CAPN13: variants seen among roughly 807,000 people sequenced by gnomAD.
CAPN13 encodes calpain 13.
CAPN13 carries 90 observed loss-of-function variants against 98.4 expected under a neutral mutation model. The observed-to-expected ratio is 0.92, with a 90% CI of 0.77 to 1.09. The LOEUF (loss-of-function observed/expected upper bound fraction) is 1.09, where lower values mean the gene tolerates loss of function less well. CAPN13 is among the 50% of genes least tolerant of loss of function. The probability of loss-of-function intolerance (pLI) is 0.00; values close to 1 mark genes in which losing one functional copy is unlikely to be tolerated. For synonymous variants in CAPN13, 330 were observed against 305.5 expected, an observed-to-expected ratio of 1.08 and a Z score of -0.84; for missense variants, 887 against 841.3, an observed-to-expected ratio of 1.05 and a Z score of -0.67.
At chr2:30,805,210 A>G (rs1675540513) in intron 1 of CAPN13, among the ~76,000 whole-genome samples, 1 of 152,192 alleles carries the variant, frequency 6.6e-6, no homozygotes, top group Admixed American at 6.5e-5. Flanking sequence ...AGAGTGAGCC[A>G]ACATATAAAT....
chr2:30,803,214 G>A (rs1391928583), intron 1 of CAPN13, among the ~76,000 whole-genome samples: 1 of 152,196 alleles, frequency 6.6e-6, no homozygotes, highest in African/African-American at 2.4e-5. Context: ...AAGAACAGGG[G>A]CAAAGATTCC....
intron 5 of CAPN13, among the ~76,000 whole-genome samples, chr2:30,768,524 T>C (rs1673222667): frequency 6.6e-6 from 1 of 152,190 alleles, no homozygotes; most frequent in Non-Finnish European, 1.5e-5. Context: ...CTCCAGCCCC[T>C]GGGGACCAGC....
intron 6 of CAPN13, among the ~76,000 whole-genome samples, chr2:30,763,419 C>T (rs562989525): frequency 6.6e-6 from 1 of 152,244 alleles, no homozygotes; most frequent in Non-Finnish European, 1.5e-5. Context: ...ACTCTCTCCA[C>T]CAACCACATG....
chr2:30,800,157 A>AAAGT (rs1558351774), intron 1 of CAPN13, among the ~76,000 whole-genome samples: 7 of 150,378 alleles, frequency 4.7e-5, no homozygotes, highest in African/African-American at 1.7e-4. Flanking sequence ...AGAAAGAAAG[A>AAAGT]AAGAAAGAAA....
chr2:30,738,496 T>A, intron 15 of CAPN13, 39 bp from the exon 16 acceptor site: 1 of 1,567,426 alleles, frequency 6.4e-7, no homozygotes, highest in Non-Finnish European at 8.7e-7. Context: ...ATTATATCAG[T>A]GCCAGGATCT....
At chr2:30,788,741 T>A (rs1351130902) in intron 1 of CAPN13, among the ~76,000 whole-genome samples, 2 of 152,194 alleles carry the variant, frequency 1.3e-5, no homozygotes, top group Non-Finnish European at 2.9e-5. Context: ...TAACATAACT[T>A]AGCAATTTTC....
chr2:30,763,256 C>T (rs755732150), intron 6 of CAPN13, 100 bp from the exon 7 acceptor site: 18 of 1,014,716 alleles, frequency 1.8e-5, no homozygotes, highest in Non-Finnish European at 2.5e-5. Context: ...CTGGGCCTCA[C>T]TGACTCACTT....
chr2:30,777,464 G>C lies in CAPN13; in HGVS notation c.271+103C>G, dbSNP rs776041043. 9 of 996,570 alleles carry C rather than the reference G, an allele frequency of 9.0e-6. No homozygotes were observed. The Admixed American group carries it at 1.2e-4, about 13-fold the overall frequency. 61.7% of individuals were successfully genotyped at this position (996,570 alleles called of 1,614,324 possible). A position where few individuals can be genotyped will look rare whatever the true frequency, so the allele number is the denominator to read the frequency against. On this transcript the variant is annotated intron_variant, in intron 3 of 22. Transcript: ENST00000295055. ...CAGTTTGTCCACGGCAGCACCAAGG[G>C]AACTGGCCTTTCTCCCTCAGAAGTG...
chr2:30,756,644 T>C (rs139148972), intron 8 of CAPN13, among the ~76,000 whole-genome samples: 65 of 152,318 alleles, frequency 4.3e-4, no homozygotes, highest in African/African-American at 1.4e-3. Context: ...TGTCACCCTC[T>C]GGGACATATT....
chr2:30,793,600 G>A (rs1674711183), intron 1 of CAPN13, among the ~76,000 whole-genome samples: 1 of 151,496 alleles, frequency 6.6e-6, no homozygotes. Context: ...CAGATTCTAA[G>A]ATTTATATCT....
chr2:30,770,198 G>A (rs751468505), intron 5 of CAPN13, 115 bp downstream of exon 5: 98 of 1,392,104 alleles, frequency 7.0e-5, no homozygotes, highest in Non-Finnish European at 8.9e-5. Context: ...ATTGTTTATG[G>A]AGATGCCCAG....
intron 2 of CAPN13, among the ~76,000 whole-genome samples, chr2:30,783,170 A>G (rs1204721564): frequency 6.6e-6 from 1 of 152,220 alleles, no homozygotes; most frequent in African/African-American, 2.4e-5. Flanking sequence ...TTGATAAACT[A>G]TCCATGAAAT....
chr2:30,778,234 C>T (rs74511550), intron 2 of CAPN13, among the ~76,000 whole-genome samples: 1,949 of 152,276 alleles, frequency 0.013, 32 homozygotes, highest in African/African-American at 0.043. Flanking sequence ...ACTCAGTGCC[C>T]GGTCCTTCCT....
At chr2:30,741,379 G>A (rs946330149) in intron 15 of CAPN13, 23 of 985,994 alleles carry the variant, frequency 2.3e-5, no homozygotes, top group African/African-American at 1.7e-4. Flanking sequence ...AATTATTAAC[G>A]GTAAGAGGCT....
At chr2:30,746,942 T>C (rs997667645) in intron 11 of CAPN13, among the ~76,000 whole-genome samples, 2 of 152,142 alleles carry the variant, frequency 1.3e-5, no homozygotes, top group African/African-American at 4.8e-5. Flanking sequence ...AAGGGGGAGA[T>C]TTTGACAGAT....
rs771334705 is a variant in CAPN13 at position 30,787,257 on chromosome 2, G to A, written c.69C>T (p.Thr23=). Residue 23 remains threonine (T), a synonymous_variant, in exon 2 of 23, where the codon ACC becomes ACT. Coordinates refer to ENST00000295055, the MANE Select transcript of CAPN13 (RefSeq NM_144575.3). ...CCATGCTCAGGCAGTGATCCCGCAA[G>A]GTGGTAAAGTCCTGGTCTTTGAACT... ...IIKFKDQDFT[T]LRDHCLSMGR... is the part of the protein sequence containing the mutation. 2 of 1,613,136 alleles carry A rather than the reference G, an allele frequency of 1.2e-6. No homozygotes were observed. The highest frequency in any genetic ancestry group is 1.3e-5 in the African/African-American group (1 of 74,926).
chr2:30,765,936 C>T (rs1673086677), intron 5 of CAPN13, among the ~76,000 whole-genome samples: 1 of 152,216 alleles, frequency 6.6e-6, no homozygotes, highest in South Asian at 2.1e-4. Context: ...CTAGATTTTT[C>T]TCTCTGGAGC....
At chr2:30,776,586 A>G (rs577402280) in intron 3 of CAPN13, among the ~76,000 whole-genome samples, 2 of 152,190 alleles carry the variant, frequency 1.3e-5, no homozygotes, top group African/African-American at 4.8e-5. Context: ...ATTGAGGAAA[A>G]CTGATTCGCG....
At chr2:30,794,169 G>A (rs1674737935) in intron 1 of CAPN13, among the ~76,000 whole-genome samples, 1 of 150,870 alleles carries the variant, frequency 6.6e-6, no homozygotes, top group African/African-American at 2.4e-5. Context: ...CAAAGGACTT[G>A]AATCCACAAC....
Sources: gnomAD v4.1 joint callset for allele counts (sites outside exome capture counted in the v4.1 genomes callset) on GRCh38, gnomAD v4.1.1 for gene constraint, MANE v1.5 for transcripts, NCBI Gene and HGNC (gene_info 2026-07-23, HGNC 2026-07-21) for gene names.